C22orf42: variants seen among roughly 807,000 people sequenced by gnomAD.
C22orf42 encodes the protein chromosome 22 open reading frame 42.
Under a neutral mutation model 31.4 loss-of-function variants are expected in C22orf42, and 24 were observed. The observed-to-expected ratio is 0.77, with a 90% CI of 0.55 to 1.08. The LOEUF (loss-of-function observed/expected upper bound fraction) is 1.08, where lower values mean the gene tolerates loss of function less well. Ranked by LOEUF, C22orf42 falls within the 50% of genes least tolerant of loss-of-function variation. The probability of loss-of-function intolerance (pLI) is 0.00; values close to 1 mark genes in which losing one functional copy is unlikely to be tolerated. For synonymous variants in C22orf42, 96 were observed against 112.7 expected (o/e 0.85, Z 0.94); for missense variants, 276 against 327.3 (o/e 0.84, Z 1.21).
At chr22:32,157,919 G>A (rs572414110) in intron 1 of C22orf42, among the ~76,000 whole-genome samples, 12 of 152,120 alleles carry the variant, frequency 7.9e-5, no homozygotes, top group South Asian at 6.2e-4. Flanking sequence ...TGCACTATTC[G>A]TCCTGGGCTG....
chr22:32,149,699 CTATATCTATATCTACATA>C, intron 8 of C22orf42, 36 bp downstream of exon 8: 1 of 1,159,436 alleles, frequency 8.6e-7, no homozygotes, highest in South Asian at 3.0e-5. Flanking sequence ...ATATCTATAT[CTATATCTATATCTACATA>C]TATATCTATA....
At position 32,159,257 on chromosome 22, in the gene C22orf42, C is replaced by A. The variant is rs762255537; in HGVS notation, c.-42G>T. On this transcript the variant is annotated 5_prime_UTR_variant, in exon 1 of 9. Coordinates refer to ENST00000382097, the MANE Select transcript of C22orf42 (RefSeq NM_001010859.3). The stretch of plus-strand genomic sequence containing the variant: ...CAAAAAAGTCCAAGAGGCACAAGGA[C>A]AGAATGTAGTCGGAGCTCCTCCTCC... 1.2e-5 allele frequency: 19 copies of A among 1,602,214 alleles called. No individual in the cohort carries two copies. In the Middle Eastern group the frequency reaches 9.9e-4, roughly 83 times the overall value.
intron 6 of C22orf42, 102 bp downstream of exon 6, chr22:32,150,890 C>T (rs905110988): frequency 1.6e-6 from 2 of 1,216,264 alleles, no homozygotes; most frequent in Non-Finnish European, 2.4e-6. Flanking sequence ...GGTTGCACAA[C>T]CCTGTGAATA....
At chr22:32,150,182 T>A (rs2094110099) in intron 7 of C22orf42, 137 bp downstream of exon 7, 1 of 876,468 alleles carries the variant, frequency 1.1e-6, no homozygotes, top group African/African-American at 1.7e-5. Context: ...TGATATTCCC[T>A]TGATATTCCA....
chr22:32,152,727 G>A (rs972254158), intron 2 of C22orf42, 101 bp from the exon 3 acceptor site: 3 of 1,140,576 alleles, frequency 2.6e-6, no homozygotes, highest in East Asian at 4.7e-5. Flanking sequence ...GTGGAGGTGG[G>A]CGGTTGACAG....
chr22:32,157,294 A>G (rs939813180), intron 1 of C22orf42, among the ~76,000 whole-genome samples: 4 of 151,878 alleles, frequency 2.6e-5, no homozygotes, highest in African/African-American at 9.7e-5. Context: ...ACATTCTCAC[A>G]CAGCCGCTGG....
At chr22:32,157,762 C>T (rs1921342590) in intron 1 of C22orf42, among the ~76,000 whole-genome samples, 1 of 152,264 alleles carries the variant, frequency 6.6e-6, no homozygotes, top group Admixed American at 6.5e-5. Flanking sequence ...ATGGCTAGTA[C>T]CCACAAAGCC....
chr22:32,159,108 C>T lies in C22orf42; in HGVS notation c.108G>A (p.Val36=), dbSNP rs1471564294. The T allele has an allele frequency of 6.2e-7, 1 of 1,614,160 alleles. No homozygotes were observed. Among genetic ancestry groups the T allele is most frequent in the African/African-American group, 1.3e-5 (1 of 75,028 alleles). The change falls in exon 1 of 9, where the codon GTG becomes GTA. Residue 36 remains valine, a synonymous_variant. Coordinates refer to ENST00000382097, the MANE Select transcript of C22orf42 (RefSeq NM_001010859.3). ...PCHECEIPET[V]AATAPASTTA... ...TGGTGGATGCTGGTGCTGTGGCTGC[C>T]ACAGTCTCAGGAATCTCACACTCAT...
intron 2 of C22orf42, among the ~76,000 whole-genome samples, chr22:32,153,895 G>T (rs2413072): frequency 1.3e-5 from 2 of 150,756 alleles, no homozygotes; most frequent in Non-Finnish European, 2.9e-5. Context: ...ATAGTGGCAC[G>T]TGCCTTATGG....
At chr22:32,153,275 T>C (rs1159701983) in intron 2 of C22orf42, among the ~76,000 whole-genome samples, 2 of 151,852 alleles carry the variant, frequency 1.3e-5, no homozygotes, top group Non-Finnish European at 2.9e-5. Flanking sequence ...TCAGAGAAAA[T>C]CAACAAAACC....
At chr22:32,153,667 C>T (rs991388211) in intron 2 of C22orf42, among the ~76,000 whole-genome samples, 2 of 152,132 alleles carry the variant, frequency 1.3e-5, no homozygotes, top group Non-Finnish European at 2.9e-5. Flanking sequence ...ACCATACAAG[C>T]AAGTAATCAT....
intron 1 of C22orf42, 60 bp downstream of exon 1, chr22:32,158,924 G>A: frequency 6.3e-7 from 1 of 1,578,758 alleles, no homozygotes; most frequent in Non-Finnish European, 8.7e-7. Context: ...CTGCAAAGGG[G>A]TGGGGGCGGT....
chr22:32,154,210 T>G (rs572751124), intron 2 of C22orf42, 34 bp downstream of exon 2: 1 of 1,607,650 alleles, frequency 6.2e-7, no homozygotes, highest in Non-Finnish European at 8.5e-7. Flanking sequence ...AATTGTTTGC[T>G]TAAATGAACT....
intron 1 of C22orf42, among the ~76,000 whole-genome samples, chr22:32,156,591 C>A (rs1314567537): frequency 7.5e-6 from 1 of 132,996 alleles, no homozygotes; most frequent in Non-Finnish European, 1.6e-5. Flanking sequence ...ACACATTATT[C>A]CCCCTGCTTT....
chr22:32,157,895 C>A (rs545097660), intron 1 of C22orf42, among the ~76,000 whole-genome samples: 2 of 152,406 alleles, frequency 1.3e-5, no homozygotes, highest in African/African-American at 4.8e-5. Flanking sequence ...GCCACCCTGT[C>A]CCTCTGTGGT....
At chr22:32,158,905 G>A in intron 1 of C22orf42, 79 bp downstream of exon 1, 2 of 1,489,600 alleles carry the variant, frequency 1.3e-6, no homozygotes, top group Admixed American at 1.7e-5. Flanking sequence ...TGTCTCTGAG[G>A]GTGAGGGACT....
intron 1 of C22orf42, among the ~76,000 whole-genome samples, chr22:32,154,629 T>G (rs1921161880): frequency 6.6e-6 from 1 of 152,250 alleles, no homozygotes; most frequent in Non-Finnish European, 1.5e-5. Context: ...CAAATCCTAC[T>G]TAGAATCTGC....
In C22orf42 at chr22:32,159,179, C is replaced by T. The variant is rs1186234164; in HGVS notation, c.37G>A (p.Gly13Arg). Residue 13 changes from glycine to arginine, a missense_variant, in exon 1 of 9, where the codon GGG becomes AGG. By Grantham distance (125) the Gly-to-Arg change is moderately radical. Transcript: ENST00000382097. ...SKLTCCLGPS[G>R]GLNCDCCRPD... ...CTGCAGCAGTCACAGTTGAGGCCCC[C>T]GCTGGGGCCCAGGCAGCAAGTCAGT... 26 of 1,613,856 alleles carry T rather than the reference C, an allele frequency of 1.6e-5. No individual in the cohort carries two copies. Among genetic ancestry groups the T allele is most frequent in the South Asian group, 5.5e-5 (5 of 91,078 alleles).
chr22:32,158,857 A>C, intron 1 of C22orf42, 127 bp downstream of exon 1: 76 of 1,007,564 alleles, frequency 7.5e-5, no homozygotes, highest in Non-Finnish European at 9.2e-5. Flanking sequence ...AGCCCTGGGA[A>C]AGCCGGCTAT....
Sources: allele counts gnomAD v4.1 joint callset (sites outside exome capture counted in the v4.1 genomes callset), GRCh38; gene constraint gnomAD v4.1.1; transcripts MANE v1.5; gene names NCBI Gene and HGNC (gene_info 2026-07-23, HGNC 2026-07-21).